LRIG1: variants seen among roughly 807,000 people sequenced by gnomAD.
LRIG1 encodes the protein leucine rich repeats and immunoglobulin like domains 1.
A neutral mutation model predicts 99.2 loss-of-function variants in LRIG1; 48 were observed. The ratio of observed to expected loss-of-function variants is 0.48; its 90% CI spans 0.38 to 0.62. LRIG1 has a LOEUF of 0.62. LRIG1 is among the 20% of genes least tolerant of loss of function. LRIG1 has a pLI of 0.00. For missense variants in LRIG1, 1,646 were observed against 1,434.4 expected, an observed-to-expected ratio of 1.15 and a Z score of -2.38; for synonymous variants, 772 against 596.1, an observed-to-expected ratio of 1.29 and a Z score of -4.30.
At chr3:66,433,746 G>A (rs540381793) in intron 3 of LRIG1, among the ~76,000 whole-genome samples, 24 of 152,270 alleles carry the variant, frequency 1.6e-4, no homozygotes, top group South Asian at 8.3e-4. Flanking sequence ...GCCCTTTAAC[G>A]CAGCCCTTCC....
chr3:66,429,889 CT>C (rs1251672896), intron 3 of LRIG1, among the ~76,000 whole-genome samples: 1 of 151,548 alleles, frequency 6.6e-6, no homozygotes. Context: ...CTTACAACTG[CT>C]ATAAAAGTCC....
At chr3:66,462,162 A>T (rs1486475488) in intron 2 of LRIG1, among the ~76,000 whole-genome samples, 1 of 152,130 alleles carries the variant, frequency 6.6e-6, no homozygotes, top group East Asian at 1.9e-4. Context: ...TCCAGTTACA[A>T]GGCTTCCCAC....
chr3:66,401,073 G>GCCTCCGGAC (rs1203275673), intron 9 of LRIG1, among the ~76,000 whole-genome samples: 2 of 152,228 alleles, frequency 1.3e-5, no homozygotes, highest in Non-Finnish European at 2.9e-5. Context: ...TCTGTTTCCT[G>GCCTCCGGAC]CCTCCGGACG....
chr3:66,497,992 C>T (rs972478599), intron 1 of LRIG1, among the ~76,000 whole-genome samples: 8 of 152,266 alleles, frequency 5.3e-5, no homozygotes, highest in South Asian at 2.1e-4. Context: ...CAGAATAAGA[C>T]TCACGGAGAC....
chr3:66,488,679 C>T (rs1263635000), intron 1 of LRIG1, among the ~76,000 whole-genome samples: 1 of 152,062 alleles, frequency 6.6e-6, no homozygotes, highest in East Asian at 1.9e-4. Context: ...TGTTAATTGG[C>T]TGAGTTTCTA....
chr3:66,380,969 G>A (rs746735147), intron 17 of LRIG1, 108 bp from the exon 18 acceptor site: 8 of 1,125,494 alleles, frequency 7.1e-6, no homozygotes, highest in South Asian at 4.4e-5. Context: ...AACCCTGACT[G>A]CAAACACTGT....
At chr3:66,401,011 T>C (rs2107988805) in intron 9 of LRIG1, among the ~76,000 whole-genome samples, 1 of 152,240 alleles carries the variant, frequency 6.6e-6, no homozygotes, top group South Asian at 2.1e-4. Context: ...GGGGCCACCA[T>C]TCAGGATGAC....
intron 17 of LRIG1, among the ~76,000 whole-genome samples, chr3:66,381,182 T>C (rs1036851455): frequency 9.9e-5 from 15 of 152,220 alleles, no homozygotes; most frequent in Non-Finnish European, 2.2e-4. Flanking sequence ...AGCCTCAAAA[T>C]AGCCCTGGTG....
Position 66,404,482 on chromosome 3 carries a change from A to G in LRIG1, c.1160+716T>C, listed in dbSNP as rs1702190124. ...AGTGCTGGTTACACGCAGAGAAAACAGGGCGGGCCAAGGGGAAGGGAACGT... is the reference window on the plus strand; with the variant it reads ...AGTGCTGGTTACACGCAGAGAAAACGGGGCGGGCCAAGGGGAAGGGAACGT... On this transcript the variant is annotated intron_variant, in intron 9 of 18. Transcript: ENST00000273261. 11 of 1,077,748 alleles carry G rather than the reference A, an allele frequency of 1.0e-5. No homozygotes were observed. The South Asian group carries it at 1.8e-4, about 18-fold the overall frequency. 66.8% of individuals were successfully genotyped at this position (1,077,748 alleles called of 1,614,324 possible).
chr3:66,388,532 T>C (rs1303034598), intron 12 of LRIG1, among the ~76,000 whole-genome samples: 1 of 152,022 alleles, frequency 6.6e-6, no homozygotes, highest in Non-Finnish European at 1.5e-5. Flanking sequence ...GTAGAGTAAA[T>C]TCAAAGATCC....
At chr3:66,466,546 G>A (rs751293020) in intron 1 of LRIG1, among the ~76,000 whole-genome samples, 6 of 151,864 alleles carry the variant, frequency 4.0e-5, no homozygotes, top group Admixed American at 2.0e-4. Context: ...CTGATAACAC[G>A]CATTTCTCAG....
At chr3:66,393,211 C>T (rs1272753939) in intron 12 of LRIG1, among the ~76,000 whole-genome samples, 1 of 152,164 alleles carries the variant, frequency 6.6e-6, no homozygotes, top group African/African-American at 2.4e-5. Flanking sequence ...GGTTAGGATC[C>T]TCACAGCAGG....
rs141524760 is a variant in LRIG1 at position 66,384,106 on chromosome 3, C to T, written c.1956G>A (p.Pro652=). The T allele has an allele frequency of 1.4e-4, 219 of 1,614,044 alleles. 1 individual carries two copies. The highest frequency in any genetic ancestry group is 3.5e-4 in the Admixed American group (21 of 60,002). ...CAGTGATGAAAAACACGTCGTCATCCGGCATGACATGCATGCGTCGCTCAC... is the reference window on the plus strand; with the variant it reads ...CAGTGATGAAAAACACGTCGTCATCTGGCATGACATGCATGCGTCGCTCAC... ...AARERRMHVM[P]DDDVFFITDV... Residue 652 remains proline, a synonymous_variant, in exon 14 of 19, where the codon CCG becomes CCA. Coordinates refer to ENST00000273261, the MANE Select transcript of LRIG1 (RefSeq NM_015541.3).
intron 1 of LRIG1, among the ~76,000 whole-genome samples, chr3:66,494,168 T>C (rs940180504): frequency 5.3e-5 from 8 of 152,142 alleles, no homozygotes; most frequent in Admixed American, 2.0e-4. Flanking sequence ...TAGCTAAATA[T>C]AGGCATCATC....
intron 4 of LRIG1, among the ~76,000 whole-genome samples, chr3:66,416,525 T>C (rs1702617858): frequency 6.6e-6 from 1 of 152,222 alleles, no homozygotes; most frequent in Non-Finnish European, 1.5e-5. Context: ...GTTGATTAAG[T>C]AGGTTTTAAC....
At chr3:66,424,629 A>G (rs189650295) in intron 3 of LRIG1, among the ~76,000 whole-genome samples, 2 of 152,308 alleles carry the variant, frequency 1.3e-5, no homozygotes, top group South Asian at 2.1e-4. Context: ...ATGAACACCT[A>G]TTATATACAC....
At chr3:66,384,612 A>C (rs1326919611) in intron 13 of LRIG1, among the ~76,000 whole-genome samples, 13 of 151,816 alleles carry the variant, frequency 8.6e-5, no homozygotes, top group Non-Finnish European at 1.5e-5. Flanking sequence ...TGCTTTACCC[A>C]CCAAGAGAGA....
intron 3 of LRIG1, among the ~76,000 whole-genome samples, chr3:66,427,245 C>T (rs909470979): frequency 5.3e-5 from 8 of 152,212 alleles, no homozygotes; most frequent in African/African-American, 1.9e-4. Context: ...ACAGCACGCA[C>T]TCAAAATAAT....
At chr3:66,452,421 A>G (rs757809752) in intron 2 of LRIG1, among the ~76,000 whole-genome samples, 2 of 152,204 alleles carry the variant, frequency 1.3e-5, no homozygotes, top group Non-Finnish European at 2.9e-5. Flanking sequence ...TTACATGGAC[A>G]TGTATTTCCA....
Sources: allele counts gnomAD v4.1 joint callset (sites outside exome capture counted in the v4.1 genomes callset), GRCh38; gene constraint gnomAD v4.1.1; transcripts MANE v1.5; gene names NCBI Gene and HGNC (gene_info 2026-07-23, HGNC 2026-07-21).